Variants in MLLT3 observed in about 807,000 individuals in gnomAD.
The protein encoded by MLLT3 is MLLT3 super elongation complex subunit.
In MLLT3, 4 loss-of-function variants were observed where a neutral mutation model predicts 53.2. The ratio of observed to expected loss-of-function variants is 0.08; its 90% CI spans 0.04 to 0.17. MLLT3 has a LOEUF of 0.17. Among genes scored for constraint, MLLT3 ranks in the 10% least tolerant of loss-of-function variants. The pLI is 1.00. For missense variants in MLLT3, 569 were observed against 684.0 expected (o/e 0.83, Z 1.87); for synonymous variants, 283 against 230.6 (o/e 1.23, Z -2.06).
chr9:20,438,982 C>G (rs1243081339), intron 4 of MLLT3, among the ~76,000 whole-genome samples: 4 of 152,064 alleles, frequency 2.6e-5, no homozygotes, highest in South Asian at 2.1e-4. Flanking sequence ...CACAATGTAC[C>G]CTATAGTGAA....
chr9:20,508,895 C>G (rs1825450057), intron 2 of MLLT3, among the ~76,000 whole-genome samples: 1 of 152,162 alleles, frequency 6.6e-6, no homozygotes, highest in Non-Finnish European at 1.5e-5. Context: ...TCAAGGAACT[C>G]ATAACCAAAA....
chr9:20,590,809 C>A lies in MLLT3; in HGVS notation c.193+29845G>T, dbSNP rs141671664. Among the ~76,000 whole-genome samples the A allele has an allele frequency of 3.5e-3, 526 of 152,262 alleles. 4 individuals are homozygous for A. Among genetic ancestry groups the A allele is most frequent in the African/African-American group, 0.012 (506 of 41,548 alleles). ...TGAGTGCAGTGGCCTGATCATCATGCACTGCAGCCTCGAATTCCTGGGCTC... is the reference window on the plus strand; with the variant it reads ...TGAGTGCAGTGGCCTGATCATCATGAACTGCAGCCTCGAATTCCTGGGCTC... On this transcript the variant is annotated intron_variant, in intron 2 of 10. Transcript: ENST00000380338.
chr9:20,480,667 C>G (rs541780715), intron 2 of MLLT3, among the ~76,000 whole-genome samples: 4 of 152,202 alleles, frequency 2.6e-5, no homozygotes, highest in Non-Finnish European at 5.9e-5. Flanking sequence ...CTTCTGTTCA[C>G]CCTAATGGGA....
chr9:20,466,215 T>C (rs1300560906), intron 2 of MLLT3, among the ~76,000 whole-genome samples: 1 of 152,170 alleles, frequency 6.6e-6, no homozygotes, highest in Non-Finnish European at 1.5e-5. Flanking sequence ...GTTCAGATTT[T>C]AAATCCAAAA....
At chr9:20,556,662 G>A (rs1038907774) in intron 2 of MLLT3, among the ~76,000 whole-genome samples, 17 of 152,066 alleles carry the variant, frequency 1.1e-4, no homozygotes. Flanking sequence ...CAGCCTGGGC[G>A]AAAGAGCAAA....
At chr9:20,450,140 T>A (rs1348494970) in intron 3 of MLLT3, among the ~76,000 whole-genome samples, 3 of 152,232 alleles carry the variant, frequency 2.0e-5, no homozygotes, top group African/African-American at 7.2e-5. Context: ...CAAGGTTAAA[T>A]TACACAAAAA....
At chr9:20,371,287 T>C (rs1406274341) in intron 5 of MLLT3, among the ~76,000 whole-genome samples, 1 of 152,192 alleles carries the variant, frequency 6.6e-6, no homozygotes, top group East Asian at 1.9e-4. Flanking sequence ...GCTAACAACA[T>C]TGATGAAGGT....
rs745693946 is a variant in MLLT3 at position 20,622,261 on chromosome 9, G to A, written c.-5C>T. The A allele has an allele frequency of 3.7e-5, 59 of 1,595,788 alleles. No individual in the cohort carries two copies. Among genetic ancestry groups the A allele is most frequent in the Non-Finnish European group, 4.8e-5 (56 of 1,170,138 alleles). On this transcript the variant is annotated 5_prime_UTR_variant, in exon 1 of 11. Transcript: ENST00000380338. Reference sequence around the variant, plus strand: ...CGTACTTACCGAGCTAGCCATGCCTGGGGGCCCGGAGGTTTGCTGGGGTGT... The same window carrying A: ...CGTACTTACCGAGCTAGCCATGCCTAGGGGCCCGGAGGTTTGCTGGGGTGT...
chr9:20,400,729 T>G (rs532535218), intron 5 of MLLT3, among the ~76,000 whole-genome samples: 2 of 151,332 alleles, frequency 1.3e-5, no homozygotes, highest in South Asian at 4.2e-4. Context: ...AATGAAGGAT[T>G]ACAAAAAGAA....
intron 2 of MLLT3, among the ~76,000 whole-genome samples, chr9:20,473,333 C>T (rs982705943): frequency 1.3e-5 from 2 of 152,130 alleles, no homozygotes; most frequent in African/African-American, 2.4e-5. Flanking sequence ...GTACAATCAT[C>T]CCCTAAAAAT....
At chr9:20,383,182 T>C (rs1188929603) in intron 5 of MLLT3, among the ~76,000 whole-genome samples, 1 of 151,840 alleles carries the variant, frequency 6.6e-6, no homozygotes, top group Non-Finnish European at 1.5e-5. Flanking sequence ...TGCATACACA[T>C]TGAGATTTAT....
intron 3 of MLLT3, among the ~76,000 whole-genome samples, chr9:20,455,184 ATATG>A (rs1455726343): frequency 1.1e-4 from 16 of 152,254 alleles, no homozygotes; most frequent in African/African-American, 3.4e-4. Flanking sequence ...TTGATGACAA[ATATG>A]TCAACGATTC....
Position 20,441,986 on chromosome 9 carries a change from TC to T in MLLT3, c.420+6136del, listed in dbSNP as rs910437638. Among the ~76,000 whole-genome samples the T allele has an allele frequency of 2.0e-5, 3 of 152,304 alleles. No homozygotes were observed. The East Asian group carries it at 5.8e-4, about 29-fold the overall frequency. On this transcript the variant is annotated intron_variant, in intron 4 of 10. Coordinates refer to ENST00000380338, the MANE Select transcript of MLLT3 (RefSeq NM_004529.4). ...GACCTTGGTTAAAGAGGCTTCCGTA[TC>T]TTTTTGTAACCTTTCCAAATGTAAG...
chr9:20,434,118 T>A (rs1823344713), intron 4 of MLLT3, among the ~76,000 whole-genome samples: 2 of 151,578 alleles, frequency 1.3e-5, no homozygotes, highest in South Asian at 4.2e-4. Context: ...AGACTTCATC[T>A]CAAAAAAATA....
chr9:20,571,499 G>C (rs377313035), intron 2 of MLLT3, among the ~76,000 whole-genome samples: 1 of 152,174 alleles, frequency 6.6e-6, no homozygotes, highest in Admixed American at 6.5e-5. Flanking sequence ...ATGCAGGTTT[G>C]TTACATAGGT....
At chr9:20,601,323 G>A (rs1219526011) in intron 2 of MLLT3, among the ~76,000 whole-genome samples, 2 of 152,230 alleles carry the variant, frequency 1.3e-5, no homozygotes, top group East Asian at 1.9e-4. Flanking sequence ...TTTATTCTGC[G>A]TGTTTCTAAA....
Position 20,539,007 on chromosome 9 carries a change from A to T in MLLT3, c.193+81647T>A, listed in dbSNP as rs553920816. On this transcript the variant is annotated intron_variant, in intron 2 of 10. Coordinates refer to ENST00000380338, the MANE Select transcript of MLLT3 (RefSeq NM_004529.4). ...AAAAAATGCTAACAATCACTTGAGC[A>T]TTCAGCAAATCATAATCTTTTCACT... is the stretch of plus-strand genomic sequence containing the variant. 4.6e-5 allele frequency among the ~76,000 whole-genome samples: 7 copies of T among 152,402 alleles called. No individual in the cohort carries two copies. The East Asian group carries it at 1.3e-3, about 29-fold the overall frequency.
chr9:20,536,464 T>C (rs1818488733), intron 2 of MLLT3, among the ~76,000 whole-genome samples: 1 of 152,208 alleles, frequency 6.6e-6, no homozygotes, highest in Non-Finnish European at 1.5e-5. Context: ...TTTTCCCCAC[T>C]GCCTTTAATA....
intron 3 of MLLT3, among the ~76,000 whole-genome samples, chr9:20,453,037 T>G (rs1586959821): frequency 6.6e-6 from 1 of 152,118 alleles, no homozygotes; most frequent in East Asian, 1.9e-4. Context: ...ACAAGTTAAA[T>G]TAGAAAAAAT....
Sources: allele counts gnomAD v4.1 joint callset (sites outside exome capture counted in the v4.1 genomes callset), GRCh38; gene constraint gnomAD v4.1.1; transcripts MANE v1.5; gene names NCBI Gene and HGNC (gene_info 2026-07-23, HGNC 2026-07-21).